The following TENM2 variants were observed in gnomAD, a reference collection of about 807,000 sequenced individuals.
The protein encoded by TENM2 is teneurin-2.
In TENM2, 52 loss-of-function variants were observed where a neutral mutation model predicts 245.2. The ratio of observed to expected loss-of-function variants is 0.21; its 90% CI spans 0.17 to 0.27. The LOEUF (loss-of-function observed/expected upper bound fraction) is 0.27. Ranked by LOEUF, TENM2 falls within the 10% of genes least tolerant of loss-of-function variation. TENM2 has a pLI of 1.00. For missense variants in TENM2, 3,046 were observed against 3,666.8 expected, an observed-to-expected ratio of 0.83 and a Z score of 4.37; for synonymous variants, 1,363 against 1,438.9, an observed-to-expected ratio of 0.95 and a Z score of 1.19.
the TENM2 span, among the ~76,000 whole-genome samples, chr5:167,265,604 T>C: frequency 1.3e-5 from 2 of 152,114 alleles, no homozygotes; most frequent in African/African-American, 2.4e-5. Context: ...TCATAACCAT[T>C]GTACACAGGC....
the TENM2 span, among the ~76,000 whole-genome samples, chr5:167,155,620 AGCCGTG>A: frequency 6.6e-6 from 1 of 152,330 alleles, no homozygotes; most frequent in Admixed American, 6.5e-5. Flanking sequence ...CATGCCATAG[AGCCGTG>A]GCGTAGTGTT....
At chr5:167,196,625 C>A in the TENM2 span, among the ~76,000 whole-genome samples, 1 of 151,224 alleles carries the variant, frequency 6.6e-6, no homozygotes, top group East Asian at 1.9e-4. Flanking sequence ...GATCAATATA[C>A]AGTCATCCCT....
intron 2 of TENM2, among the ~76,000 whole-genome samples, chr5:167,606,623 C>T (rs1255737345): frequency 1.3e-5 from 2 of 152,120 alleles, no homozygotes; most frequent in East Asian, 1.9e-4. Flanking sequence ...GGGTAGTTCC[C>T]AACCCCGACT....
chr5:167,383,943 T>C (rs933587192), intron 2 of TENM2, among the ~76,000 whole-genome samples: 3 of 152,148 alleles, frequency 2.0e-5, no homozygotes, highest in African/African-American at 7.2e-5. Flanking sequence ...TTATGCTGAT[T>C]GTTTTAGACC....
intron 11 of TENM2, 66 bp from the exon 14 acceptor site, chr5:168,126,688 G>A (rs1795875405): frequency 1.5e-6 from 2 of 1,375,858 alleles, no homozygotes; most frequent in South Asian, 1.4e-5. Context: ...CCATGTGCGT[G>A]GTCTGGACTC....
the TENM2 span, among the ~76,000 whole-genome samples, chr5:167,079,749 G>A: frequency 1.3e-5 from 2 of 152,118 alleles, no homozygotes; most frequent in African/African-American, 4.8e-5. Context: ...GCTAAACAAA[G>A]CCCAAATTGA....
intron 10 of TENM2, among the ~76,000 whole-genome samples, chr5:168,119,502 C>G (rs1271472908): frequency 6.6e-6 from 1 of 152,198 alleles, no homozygotes; most frequent in Non-Finnish European, 1.5e-5. Context: ...AGCTATGCTG[C>G]CTGTCAGCCT....
At chr5:167,931,602 T>C (rs1269827010) in intron 3 of TENM2, among the ~76,000 whole-genome samples, 1 of 147,294 alleles carries the variant, frequency 6.8e-6, no homozygotes, top group Non-Finnish European at 1.5e-5. Flanking sequence ...AGGCAGGTGG[T>C]GTATCATATG....
At chr5:167,865,137 G>A (rs1752054437) in intron 2 of TENM2, among the ~76,000 whole-genome samples, 1 of 152,290 alleles carries the variant, frequency 6.6e-6, no homozygotes. Flanking sequence ...AGACAACTCA[G>A]TAAGTGACAG....
chr5:167,520,640 T>A (rs541158731), intron 2 of TENM2, among the ~76,000 whole-genome samples: 1 of 152,192 alleles, frequency 6.6e-6, no homozygotes, highest in Non-Finnish European at 1.5e-5. Context: ...TTCTGCAGAA[T>A]AGAGTTTATG....
At chr5:168,253,672 G>A (rs564698495) in intron 27 of TENM2, among the ~76,000 whole-genome samples, 36 of 152,064 alleles carry the variant, frequency 2.4e-4, no homozygotes, top group South Asian at 6.2e-4. Context: ...TGATTCGCCC[G>A]CCTCGGCCTC....
chr5:167,961,794 T>C (rs1037983007), intron 4 of TENM2, among the ~76,000 whole-genome samples: 18 of 152,324 alleles, frequency 1.2e-4, no homozygotes, highest in East Asian at 5.8e-4. Flanking sequence ...CTATGAGCCA[T>C]GTTGGATGAA....
chr5:167,336,176 CTT>C (rs35059289), intron 1 of TENM2, among the ~76,000 whole-genome samples: 3 of 83,108 alleles, frequency 3.6e-5, no homozygotes, highest in Admixed American at 1.8e-4. Context: ...TTCATTTCTC[CTT>C]TTTTTTTTTT....
At chr5:167,976,982 G>A (rs1157050238) in intron 4 of TENM2, among the ~76,000 whole-genome samples, 3 of 152,162 alleles carry the variant, frequency 2.0e-5, no homozygotes, top group Non-Finnish European at 2.9e-5. Context: ...GGAATACTAT[G>A]CAGCCATAAA....
intron 2 of TENM2, among the ~76,000 whole-genome samples, chr5:167,542,720 G>C (rs1259100310): frequency 6.6e-6 from 1 of 152,022 alleles, no homozygotes; most frequent in Non-Finnish European, 1.5e-5. Flanking sequence ...GCCAACCATT[G>C]TATTTTCTGG....
intron 2 of TENM2, among the ~76,000 whole-genome samples, chr5:167,697,968 TA>T (rs1396697414): frequency 3.3e-5 from 5 of 152,246 alleles, no homozygotes; most frequent in Non-Finnish European, 5.9e-5. Context: ...CCTGACAAGG[TA>T]TCCCTCTAAG....
the TENM2 span, among the ~76,000 whole-genome samples, chr5:167,064,018 C>A: frequency 2.6e-5 from 4 of 152,128 alleles, no homozygotes; most frequent in Non-Finnish European, 5.9e-5. Context: ...TGGGAGTCTG[C>A]GTGATGACTC....
chr5:167,691,672 G>A (rs76087614), intron 2 of TENM2, among the ~76,000 whole-genome samples: 46 of 152,196 alleles, frequency 3.0e-4, no homozygotes, highest in African/African-American at 1.0e-3. Context: ...GGGTCATTGC[G>A]CTCAAACAGA....
At chr5:167,138,047 A>T in the TENM2 span, among the ~76,000 whole-genome samples, 1 of 152,224 alleles carries the variant, frequency 6.6e-6, no homozygotes, top group Non-Finnish European at 1.5e-5. Context: ...CAAGAGTAAG[A>T]TTATGGAGTG....
Sources: gnomAD v4.1 joint callset for allele counts (sites outside exome capture counted in the v4.1 genomes callset) on GRCh38, gnomAD v4.1.1 for gene constraint, MANE v1.5 for transcripts, NCBI Gene and HGNC (gene_info 2026-07-23, HGNC 2026-07-21) for gene names.